The following EPB41L2 variants were observed in gnomAD, a reference collection of about 807,000 sequenced individuals.
EPB41L2 encodes the protein erythrocyte membrane protein band 4.1 like 2.
EPB41L2 carries 43 observed loss-of-function variants against 113.0 expected under a neutral mutation model. The ratio of observed to expected loss-of-function variants is 0.38; its 90% confidence interval spans 0.30 to 0.49. The LOEUF (loss-of-function observed/expected upper bound fraction) is 0.49, where lower values mean the gene tolerates loss of function less well. Among genes scored for constraint, EPB41L2 ranks in the 20% least tolerant of loss-of-function variants. The pLI, the probability that EPB41L2 is intolerant of heterozygous loss-of-function variation, is 0.95. For missense variants in EPB41L2, 1,147 were observed against 1,223.4 expected, an observed-to-expected ratio of 0.94 and a Z score of 0.93; for synonymous variants, 442 against 436.7, an observed-to-expected ratio of 1.01 and a Z score of -0.15.
At chr6:131,004,143 G>GC (rs1227178240) in intron 1 of EPB41L2, among the ~76,000 whole-genome samples, 1 of 152,088 alleles carries the variant, frequency 6.6e-6, no homozygotes, top group Non-Finnish European at 1.5e-5. Context: ...GACAGTCCCT[G>GC]CTTCATGATA....
intron 1 of EPB41L2, among the ~76,000 whole-genome samples, chr6:130,963,477 CA>C (rs968856121): frequency 8.6e-5 from 13 of 151,394 alleles, no homozygotes; most frequent in African/African-American, 2.7e-4. Context: ...AGAATGAAAC[CA>C]AAAAAAATCT....
intron 1 of EPB41L2, among the ~76,000 whole-genome samples, chr6:130,983,316 A>G (rs1316189563): frequency 6.6e-6 from 1 of 152,212 alleles, no homozygotes; most frequent in Non-Finnish European, 1.5e-5. Context: ...TGAGAACTAC[A>G]GTAATGTGTC....
chr6:130,977,836 C>A (rs1778527500), intron 1 of EPB41L2, among the ~76,000 whole-genome samples: 1 of 152,164 alleles, frequency 6.6e-6, no homozygotes. Flanking sequence ...AAAAAAGAAT[C>A]ATAATAGCTA....
At chr6:130,936,538 A>C (rs1171672011) in intron 3 of EPB41L2, among the ~76,000 whole-genome samples, 1 of 152,014 alleles carries the variant, frequency 6.6e-6, no homozygotes, top group Non-Finnish European at 1.5e-5. Context: ...AAGACATTGC[A>C]AATATATAAG....
At chr6:130,858,289 T>A in intron 18 of EPB41L2, 46 bp from the exon 19 acceptor site, 1 of 1,471,866 alleles carries the variant, frequency 6.8e-7, no homozygotes, top group African/African-American at 1.4e-5. Flanking sequence ...GGGAACAGCC[T>A]CCACCTCACA....
At chr6:130,981,518 A>G (rs1254137649) in intron 1 of EPB41L2, among the ~76,000 whole-genome samples, 1 of 152,240 alleles carries the variant, frequency 6.6e-6, no homozygotes, top group Non-Finnish European at 1.5e-5. Flanking sequence ...GTTATAAAAC[A>G]AAACTCCTTT....
intron 1 of EPB41L2, among the ~76,000 whole-genome samples, chr6:131,023,904 G>C (rs946186078): frequency 1.3e-5 from 2 of 151,920 alleles, no homozygotes; most frequent in Non-Finnish European, 2.9e-5. Flanking sequence ...GTCATTTTCT[G>C]AGAGACAGTC....
intron 4 of EPB41L2, among the ~76,000 whole-genome samples, chr6:130,925,213 G>C (rs1489660558): frequency 1.6e-5 from 2 of 123,286 alleles, no homozygotes; most frequent in African/African-American, 7.0e-5. Flanking sequence ...TTTTGAGACA[G>C]AGTCTCACTC....
intron 1 of EPB41L2, among the ~76,000 whole-genome samples, chr6:131,046,078 A>ATTTTT (rs36055181): frequency 8.1e-6 from 1 of 123,970 alleles, no homozygotes. Context: ...TCCGAAGCTA[A>ATTTTT]TTTTTTTTTT....
intron 17 of EPB41L2, among the ~76,000 whole-genome samples, chr6:130,864,474 G>C (rs559752709): frequency 2.0e-5 from 3 of 152,288 alleles, no homozygotes; most frequent in African/African-American, 4.8e-5. Context: ...GAGCTCCTGG[G>C]GGAACTGCCT....
chr6:130,856,334 G>C (rs1780203535), intron 19 of EPB41L2, among the ~76,000 whole-genome samples: 1 of 152,154 alleles, frequency 6.6e-6, no homozygotes, highest in South Asian at 2.1e-4. Context: ...CAAAGGATCA[G>C]TATGTAGAAT....
chr6:130,858,236 G>A lies in EPB41L2; in HGVS notation c.2918C>T (p.Ala973Val). 1.2e-6 allele frequency: 2 copies of A among 1,611,074 alleles called. No homozygotes were observed. The highest frequency in any genetic ancestry group is 8.5e-7 in the Non-Finnish European group (1 of 1,178,482). ...DGDIDHDQAL[A>V]QAIREAREQH... ...CTCTCTGGCTTCCCTGATCGCCTGAGCCAGTGCCTGCCAGGGTCAGGACAG... is the reference window on the plus strand; with the variant it reads ...CTCTCTGGCTTCCCTGATCGCCTGAACCAGTGCCTGCCAGGGTCAGGACAG... The change falls in exon 19 of 20, where the codon GCT (alanine) becomes GTT (valine). Residue 973 changes from alanine (A) to valine (V), a missense_variant. Coordinates refer to ENST00000337057, the MANE Select transcript of EPB41L2 (RefSeq NM_001431.4).
intron 3 of EPB41L2, among the ~76,000 whole-genome samples, chr6:130,945,062 C>T (rs553989610): frequency 1.3e-5 from 2 of 152,296 alleles, no homozygotes; most frequent in Middle Eastern, 3.4e-3. Flanking sequence ...TTAAATTGCA[C>T]ATAATACATG....
intron 11 of EPB41L2, among the ~76,000 whole-genome samples, chr6:130,888,046 G>C (rs1791608198): frequency 6.6e-6 from 1 of 152,190 alleles, no homozygotes; most frequent in Non-Finnish European, 1.5e-5. Flanking sequence ...AAACTTTAAA[G>C]TGAGGCTAAT....
chr6:130,843,780 G>T (rs1313867901), intron 19 of EPB41L2, among the ~76,000 whole-genome samples: 2 of 152,110 alleles, frequency 1.3e-5, no homozygotes, highest in African/African-American at 4.8e-5. Context: ...AGATCAATGT[G>T]GCTCAATTTC....
intron 1 of EPB41L2, among the ~76,000 whole-genome samples, chr6:131,005,943 T>A (rs1228286952): frequency 6.6e-6 from 1 of 152,146 alleles, no homozygotes; most frequent in Non-Finnish European, 1.5e-5. Flanking sequence ...AAAAGCCTTC[T>A]CCCTGACAGC....
intron 14 of EPB41L2, among the ~76,000 whole-genome samples, chr6:130,874,112 A>G (rs1786682382): frequency 6.6e-6 from 1 of 152,204 alleles, no homozygotes; most frequent in South Asian, 2.1e-4. Context: ...AGAATAGTCT[A>G]TGCAAATTTA....
chr6:130,936,705 A>T (rs1255477231), intron 3 of EPB41L2, among the ~76,000 whole-genome samples: 1 of 152,250 alleles, frequency 6.6e-6, no homozygotes, highest in Admixed American at 6.5e-5. Flanking sequence ...ATTTTAAAAT[A>T]TAATAACAAT....
In EPB41L2 at chr6:130,906,929, A is replaced by G. The variant is rs529248207; in HGVS notation, c.853+1892T>C. 3.9e-5 allele frequency among the ~76,000 whole-genome samples: 6 copies of G among 152,294 alleles called. No individual in the cohort carries two copies. The South Asian group carries it at 1.0e-3, about 26-fold the overall frequency. ...TTTTAAAAAGTCTAATCTTACTGTT[A>G]CTCATATTGCCAAACCACAAGGGTA... On this transcript the variant is annotated intron_variant, in intron 5 of 19. Coordinates refer to ENST00000337057, the MANE Select transcript of EPB41L2 (RefSeq NM_001431.4).
Sources: allele counts gnomAD v4.1 joint callset (sites outside exome capture counted in the v4.1 genomes callset), GRCh38; gene constraint gnomAD v4.1.1; transcripts MANE v1.5; gene names NCBI Gene and HGNC (gene_info 2026-07-23, HGNC 2026-07-21).